GLB1L3: variants seen among roughly 807,000 people sequenced by gnomAD.
GLB1L3 encodes galactosidase beta 1 like 3, also known as beta-galactosidase-1-like protein 3.
Under a neutral mutation model 89.5 loss-of-function variants are expected in GLB1L3, and 89 were observed. The observed-to-expected ratio is 0.99, with a 90% CI of 0.84 to 1.19. The LOEUF is 1.19. Ranked by LOEUF, GLB1L3 falls within the 50% of genes most tolerant of loss-of-function variation. The probability of loss-of-function intolerance (pLI) is 0.00; values close to 1 mark genes in which losing one functional copy is unlikely to be tolerated. For missense variants in GLB1L3, 812 were observed against 813.3 expected (o/e 1.00, Z 0.02); for synonymous variants, 314 against 312.3 (o/e 1.01, Z -0.06).
chr11:134,314,786 C>T (rs1031402780), intron 18 of GLB1L3, among the ~76,000 whole-genome samples: 3 of 152,182 alleles, frequency 2.0e-5, no homozygotes, highest in Non-Finnish European at 4.4e-5. Flanking sequence ...TGAACACACA[C>T]GTACACAATT....
chr11:134,283,132 G>A (rs774522345), intron 5 of GLB1L3, among the ~76,000 whole-genome samples: 11 of 151,882 alleles, frequency 7.2e-5, no homozygotes. Context: ...GCGCGATCTC[G>A]GCTTGCTGCA....
Position 134,276,636 on chromosome 11 carries a change from C to T in GLB1L3, c.-105C>T. ...GCAGGCGCAGCGCGCAGACCTGAGCCTGCCCCGCGGAACCGGGGCTCGAGT... is the reference window on the plus strand; with the variant it reads ...GCAGGCGCAGCGCGCAGACCTGAGCTTGCCCCGCGGAACCGGGGCTCGAGT... On this transcript the variant is annotated 5_prime_UTR_variant, in exon 1 of 20. Transcript: ENST00000431683. The T allele has an allele frequency of 1.8e-6, 2 of 1,094,858 alleles. No homozygotes were observed. Among genetic ancestry groups the T allele is most frequent in the African/African-American group, 1.6e-5 (1 of 60,826 alleles). The allele number at this position is 1,094,858 out of a possible 1,614,324, so 67.8% of individuals were successfully genotyped here.
intron 6 of GLB1L3, among the ~76,000 whole-genome samples, chr11:134,288,074 A>G (rs1006590128): frequency 6.6e-6 from 1 of 152,228 alleles, no homozygotes; most frequent in Non-Finnish European, 1.5e-5. Context: ...AGACTGTGGA[A>G]GGACCCTGAA....
At chr11:134,297,081 T>G (rs1343532553) in intron 9 of GLB1L3, among the ~76,000 whole-genome samples, 1 of 152,092 alleles carries the variant, frequency 6.6e-6, no homozygotes, top group South Asian at 2.1e-4. Flanking sequence ...TTTGCCTGTT[T>G]TGAGGTGCAT....
chr11:134,277,967 C>A, intron 3 of GLB1L3, 55 bp downstream of exon 3: 6 of 1,571,852 alleles, frequency 3.8e-6, no homozygotes, highest in Non-Finnish European at 5.2e-6. Context: ...TGCATCCTGG[C>A]CGGGAACCTG....
intron 11 of GLB1L3, 96 bp from the exon 12 acceptor site, chr11:134,310,475 C>A: frequency 2.4e-6 from 2 of 847,410 alleles, no homozygotes; most frequent in Non-Finnish European, 1.9e-6. Flanking sequence ...CCTTTTGTCT[C>A]ACTCACGGTG....
chr11:134,297,138 C>A (rs77819794), intron 9 of GLB1L3, among the ~76,000 whole-genome samples: 1,656 of 152,198 alleles, frequency 0.011, 21 homozygotes, highest in African/African-American at 0.037. Flanking sequence ...GCCGCTGTAT[C>A]ATTACGTAAT....
At chr11:134,305,590 T>G in intron 9 of GLB1L3, among the ~76,000 whole-genome samples, 1 of 152,170 alleles carries the variant, frequency 6.6e-6, no homozygotes, top group South Asian at 2.1e-4. Context: ...AGTCAGTCTT[T>G]CCTCTTGAAT....
chr11:134,282,256 A>G (rs1940736654), intron 5 of GLB1L3, 136 bp downstream of exon 5: 10 of 1,105,550 alleles, frequency 9.0e-6, no homozygotes, highest in South Asian at 1.7e-5. Flanking sequence ...CACGCCACGC[A>G]CCGTGCCTGT....
intron 19 of GLB1L3, 31 bp downstream of exon 19, chr11:134,318,778 T>C: frequency 6.4e-7 from 1 of 1,551,776 alleles, no homozygotes; most frequent in Non-Finnish European, 8.9e-7. Context: ...CCTTGAGATC[T>C]CATAAACTTT....
intron 1 of GLB1L3, 110 bp from the exon 2 acceptor site, chr11:134,277,215 GC>G: frequency 7.2e-7 from 1 of 1,390,178 alleles, no homozygotes; most frequent in Non-Finnish European, 1.0e-6. Flanking sequence ...TGTGTCGCGG[GC>G]CCCCTCCCTG....
rs749769529 is a variant in GLB1L3, at chr11:134,277,770, G to A, written c.220G>A (p.Gly74Ser). The A allele has an allele frequency of 2.5e-6, 4 of 1,613,924 alleles. No individual in the cohort carries two copies. The highest frequency in any genetic ancestry group is 1.7e-5 in the Admixed American group (1 of 59,990). The change falls in exon 3 of 20, where the codon GGT (glycine) becomes AGT (serine). Residue 74 changes from glycine to serine, a missense_variant. Transcript: ENST00000431683. ...RSVGLGTESTGRGKPHFTLEG... is the reference protein window; with the variant it reads ...RSVGLGTESTSRGKPHFTLEG... ...TGTGGGACTTGGAACTGAAAGCACA[G>A]GTCGGGGTAAGCCCCACTTCACACT... is the stretch of plus-strand genomic sequence containing the variant.
rs138830424 is a variant in GLB1L3 at position 134,303,917 on chromosome 11, C to G, written c.877-3207C>G. ...AATGTGGCAGTTTTCTTTCAGCACA[C>G]AGTCTGCTGACTTCACTGCTGTGAT... On this transcript the variant is annotated intron_variant, in intron 9 of 19. Transcript: ENST00000431683. 1.4e-3 allele frequency among the ~76,000 whole-genome samples: 220 copies of G among 152,224 alleles called. 1 individual carries two copies. The highest frequency in any genetic ancestry group is 4.9e-3 in the African/African-American group (205 of 41,532).
At chr11:134,308,489 TCACCACCAAATACCACCACC>T (rs1942486286) in intron 10 of GLB1L3, among the ~76,000 whole-genome samples, 5 of 6,102 alleles carry the variant, frequency 8.2e-4, no homozygotes, top group Admixed American at 1.9e-3. Flanking sequence ...ACCACCACCA[TCACCACCAAATACCACCACC>T]ACCACCACCA....
At chr11:134,308,223 TCACCACCACCACCA>T in intron 10 of GLB1L3, among the ~76,000 whole-genome samples, 1 of 27,554 alleles carries the variant, frequency 3.6e-5, no homozygotes. Context: ...ACCATCACCA[TCACCACCACCACCA>T]TCACCATCAC....
rs994677366 is a variant in GLB1L3 at position 134,276,803 on chromosome 11, C to A, written c.23+40C>A. 3.6e-6 allele frequency: 5 copies of A among 1,373,008 alleles called. No homozygotes were observed. In the Admixed American group the frequency reaches 1.2e-4, roughly 33 times the overall value. The allele number at this position is 1,373,008 out of a possible 1,614,324, so 85.1% of individuals were successfully genotyped here. ...CTGCCGTCCCGGGCTGCCCACCACC[C>A]CGGCGCGTGCCCGGGAGCCTCCACC... On this transcript the variant is annotated intron_variant, in intron 1 of 19. Coordinates refer to ENST00000431683, the MANE Select transcript of GLB1L3 (RefSeq NM_001080407.3).
At chr11:134,311,268 C>G in intron 13 of GLB1L3, 98 bp downstream of exon 13, 1 of 871,784 alleles carries the variant, frequency 1.1e-6, no homozygotes, top group Non-Finnish European at 1.9e-6. Context: ...GAAAACAAAT[C>G]CTCTGCATTT....
chr11:134,300,580 T>C (rs544961), intron 9 of GLB1L3, among the ~76,000 whole-genome samples: 137,287 of 151,654 alleles, frequency 0.91, 63,043 homozygotes, highest in Non-Finnish European at 0.98. Flanking sequence ...ATGATCCGCC[T>C]GCCTCAGCCT....
Position 134,308,184 on chromosome 11 carries a change from CCATCAT to C in GLB1L3, c.961+979_961+984del, listed in dbSNP as rs1565412143. Among the ~76,000 whole-genome samples, 74 of 109,858 alleles carry C rather than the reference CCATCAT, an allele frequency of 6.7e-4. 1 individual carries two copies. Among genetic ancestry groups the C allele is most frequent in the Admixed American group, 4.3e-3 (49 of 11,372 alleles). The allele number at this position is 109,858 out of a possible 152,430, so 72.1% of individuals were successfully genotyped here. A position where few individuals can be genotyped will look rare whatever the true frequency, so the allele number is the denominator to read the frequency against. On this transcript the variant is annotated intron_variant, in intron 10 of 19. Transcript: ENST00000431683. ...ACCACCACCAGCACCACCACCATCACCATCATCACCATCACCACTACCACCACCACC... is the reference window on the plus strand; with the variant it reads ...ACCACCACCAGCACCACCACCATCACCACCATCACCACTACCACCACCACC...
Sources: allele counts gnomAD v4.1 joint callset (sites outside exome capture counted in the v4.1 genomes callset), GRCh38; gene constraint gnomAD v4.1.1; transcripts MANE v1.5; gene names NCBI Gene and HGNC (gene_info 2026-07-23, HGNC 2026-07-21).